ITGA10: variants seen among roughly 807,000 people sequenced by gnomAD.
The protein encoded by ITGA10 is integrin alpha-10.
A neutral mutation model predicts 145.2 loss-of-function variants in ITGA10; 105 were observed. The observed-to-expected ratio is 0.72, with a 90% confidence interval of 0.62 to 0.85. The LOEUF is 0.85. Among genes scored for constraint, ITGA10 ranks in the 40% least tolerant of loss-of-function variants. The pLI, the probability that ITGA10 is intolerant of heterozygous loss-of-function variation, is 0.00. For missense variants in ITGA10, 1,317 were observed against 1,444.5 expected, an observed-to-expected ratio of 0.91 and a Z score of 1.43; for synonymous variants, 506 against 557.8, an observed-to-expected ratio of 0.91 and a Z score of 1.31.
At chr1:145,896,193 C>T in intron 24 of ITGA10, 75 bp downstream of exon 24, 2 of 1,476,674 alleles carry the variant, frequency 1.4e-6, no homozygotes, top group Non-Finnish European at 1.9e-6. Context: ...CCAAGAGAGA[C>T]CCTTCCCATC....
In ITGA10 at chr1:145,893,588, G is replaced by C; in HGVS notation, c.3276C>G (p.Thr1092=). 1.2e-6 allele frequency: 2 copies of C among 1,613,308 alleles called. No individual in the cohort carries two copies. The highest frequency in any genetic ancestry group is 1.7e-4 in the Middle Eastern group (1 of 6,060). ...LTVVSTFELG[T]EEGSVLQLTE... is the part of the protein sequence containing the mutation. ...TCAGCTGTAGGACACTGCCCTCTTC[G>C]GTTCCCAGCTCAAAGGTGCTGACCA... Residue 1092 remains threonine, a synonymous_variant, in exon 28 of 30, where the codon ACC becomes ACG. Coordinates refer to ENST00000369304, the MANE Select transcript of ITGA10 (RefSeq NM_003637.5).
At chr1:145,897,784 C>T in intron 19 of ITGA10, 31 bp downstream of exon 19, 2 of 1,610,000 alleles carry the variant, frequency 1.2e-6, no homozygotes, top group Non-Finnish European at 1.7e-6. Flanking sequence ...TCTCAGGTCA[C>T]CCTGGTTTGC....
intron 27 of ITGA10, among the ~76,000 whole-genome samples, chr1:145,894,310 C>T (rs1655092819): frequency 6.6e-6 from 1 of 151,942 alleles, no homozygotes. Flanking sequence ...CAGGGTTTCA[C>T]CGTGTTAGCC....
chr1:145,902,339 T>C lies in ITGA10; in HGVS notation c.1076-20A>G. 1 of 1,613,356 alleles carries C rather than the reference T, an allele frequency of 6.2e-7. No homozygotes were observed. Among genetic ancestry groups the C allele is most frequent in the South Asian group, 1.1e-5 (1 of 91,074 alleles). ...GGGACCCTTGGTCATGAGAAAACAT[T>C]GAGACAATATCAGGGGAAGACAGTT... is the stretch of plus-strand genomic sequence containing the variant. On this transcript the variant is annotated intron_variant, in intron 9 of 29. Coordinates refer to ENST00000369304, the MANE Select transcript of ITGA10 (RefSeq NM_003637.5).
chr1:145,893,073 A>G (rs1654915456), intron 29 of ITGA10, 88 bp downstream of exon 29: 1 of 1,096,238 alleles, frequency 9.1e-7, no homozygotes, highest in Non-Finnish European at 1.4e-6. Flanking sequence ...TTAGCTGCCC[A>G]GCACAAATCC....
In ITGA10 at chr1:145,901,969, A is replaced by G. The variant is rs782504601; in HGVS notation, c.1202T>C (p.Leu401Pro). The stretch of plus-strand genomic sequence containing the variant: ...AAGGCGGTGGCCTCCTTCAAGCCAT[A>G]GCACAGAGCCTCCCCAGTCATAGGC... ...VGAYDWGGSV[L>P]WLEGGHRLFP... The change falls in exon 11 of 30, where the codon CTA (leucine) becomes CCA (proline). Residue 401 changes from leucine to proline, a missense_variant. Physicochemically the swap from Leu to Pro is moderately conservative, Grantham distance 98 (BLOSUM62 -3). Transcript: ENST00000369304. This position sits in a 1 kb window ranked among gnomAD's most constrained non-coding sequence, Gnocchi z 4.3. 2 of 1,614,184 alleles carry G rather than the reference A, an allele frequency of 1.2e-6. No homozygotes were observed. Among genetic ancestry groups the G allele is most frequent in the South Asian group, 1.1e-5 (1 of 91,082 alleles).
Position 145,895,382 on chromosome 1 carries a change from A to G in ITGA10, c.3126T>C (p.Asn1042=), listed in dbSNP as rs139096335. 114 of 1,613,334 alleles carry G rather than the reference A, an allele frequency of 7.1e-5. No individual in the cohort carries two copies. In the African/African-American group the frequency reaches 1.3e-3, roughly 18 times the overall value. The part of the protein sequence containing the change: ...LQHTNRLNGS[N]TQCQVVRCHL... ...GGCACCTCACCACCTGACACTGAGTATTGCTCCCATTCTAACAGAAGAGAC... is the reference window on the plus strand; with the variant it reads ...GGCACCTCACCACCTGACACTGAGTGTTGCTCCCATTCTAACAGAAGAGAC... The change falls in exon 27 of 30, where the codon AAT becomes AAC. Residue 1042 remains asparagine, a synonymous_variant. Coordinates refer to ENST00000369304, the MANE Select transcript of ITGA10 (RefSeq NM_003637.5).
chr1:145,899,259 G>C lies in ITGA10; in HGVS notation c.2005C>G (p.Arg669Gly). ...GTCAGACAGACTGCCTCTTGGCCTC[G>C]CCGCCTACAGTCCCTCTGAACCACA... ...ISVVQRDCRR[R>G]GQEAVCLTAA... Residue 669 changes from arginine (R) to glycine (G), a missense_variant, in exon 16 of 30, where the codon CGA becomes GGA. By Grantham distance (125) the Arg-to-Gly change is moderately radical. Coordinates refer to ENST00000369304, the MANE Select transcript of ITGA10 (RefSeq NM_003637.5). The C allele has an allele frequency of 6.2e-7, 1 of 1,614,228 alleles. No homozygotes were observed. Among genetic ancestry groups the C allele is most frequent in the South Asian group, 1.1e-5 (1 of 91,082 alleles).
Position 145,900,991 on chromosome 1 carries a change from C to T in ITGA10, c.1590G>A (p.Gln530=). 1 of 1,614,116 alleles carries T rather than the reference C, an allele frequency of 6.2e-7. No individual in the cohort carries two copies. Among genetic ancestry groups the T allele is most frequent in the African/African-American group, 1.3e-5 (1 of 75,022 alleles). Residue 530 remains glutamine (Q), a splice_region_variant and synonymous_variant, in exon 14 of 30, where the codon CAG becomes CAA. Coordinates refer to ENST00000369304, the MANE Select transcript of ITGA10 (RefSeq NM_003637.5). ...GRVYVYLVGQ[Q]SLLTLQGTLQ... ...GTGTTCCTTGGAGGGTCAGCAAGGA[C>T]TGCTGGTGGAGGAGAGAAGATAGAA...
chr1:145,894,597 T>C (rs587697483), intron 27 of ITGA10, among the ~76,000 whole-genome samples: 1 of 152,312 alleles, frequency 6.6e-6, no homozygotes, highest in African/African-American at 2.4e-5. Flanking sequence ...TTGACCTTAG[T>C]GCCAAACAGC....
intron 9 of ITGA10, 41 bp from the exon 10 acceptor site, chr1:145,902,360 C>G (rs782706166): frequency 5.0e-6 from 8 of 1,603,070 alleles, no homozygotes; most frequent in African/African-American, 1.3e-5. Flanking sequence ...CAGGGGAAGA[C>G]AGTTTCCCCT....
At position 145,909,950 on chromosome 1, in the gene ITGA10, T is replaced by A. The variant is rs1553752671; in HGVS notation, c.52+13A>T. On this transcript the variant is annotated intron_variant, in intron 1 of 29. Transcript: ENST00000369304. ...CCATCCCCACCAGAAACCAAGAAGT[T>A]AACTTCCCTCACCTGTCAGGAACAC... 1 of 1,611,180 alleles carries A rather than the reference T, an allele frequency of 6.2e-7. No individual in the cohort carries two copies. The highest frequency in any genetic ancestry group is 1.1e-5 in the South Asian group (1 of 91,012).
chr1:145,897,710 C>T, intron 19 of ITGA10, 57 bp from the exon 20 acceptor site: 1 of 1,612,790 alleles, frequency 6.2e-7, no homozygotes, highest in Non-Finnish European at 8.5e-7. Context: ...TGCCAAAAGT[C>T]TCACTTTTGT....
chr1:145,895,939 A>G, intron 25 of ITGA10, 44 bp downstream of exon 25: 6 of 1,460,002 alleles, frequency 4.1e-6, no homozygotes, highest in Non-Finnish European at 5.8e-6. Flanking sequence ...TGAGTCCACC[A>G]GCTCAAGGTG....
chr1:145,895,461 A>G, intron 26 of ITGA10, 68 bp from the exon 27 acceptor site: 1 of 1,413,282 alleles, frequency 7.1e-7, no homozygotes, highest in East Asian at 2.3e-5. Context: ...CCCCACCTCT[A>G]GTTCACACAG....
Position 145,897,253 on chromosome 1 carries a change from T to C in ITGA10, c.2661A>G (p.Gly887=). The change falls in exon 21 of 30, where the codon GGA becomes GGG. Residue 887 remains glycine (G), a synonymous_variant. Transcript: ENST00000369304. ...ATCCTAGACCCCAACCCACCTTGGC[T>C]CCAGTCTGGAAGACAGGATGCCCCA... ...CSVGHPVFQT[G]AKVTFLLEFE... 1 of 1,613,864 alleles carries C rather than the reference T, an allele frequency of 6.2e-7. No homozygotes were observed.
Position 145,893,273 on chromosome 1 carries a change from C to T in ITGA10, c.3326G>A (p.Ser1109Asn). ...CCGGGTCTGAACCACCTCCAAGAGG[C>T]TCTGCGTGGACAGAAGAGTAGTTTT... is the stretch of plus-strand genomic sequence containing the variant. ...QLTEASRWSE[S>N]LLEVVQTRPI... The change falls in exon 29 of 30, where the codon AGC becomes AAC. Residue 1109 changes from serine (S) to asparagine (N), a missense_variant and splice_region_variant. Transcript: ENST00000369304. 6.2e-7 allele frequency: 1 copy of T among 1,607,644 alleles called. No homozygotes were observed. The highest frequency in any genetic ancestry group is 8.5e-7 in the Non-Finnish European group (1 of 1,174,140).
chr1:145,898,073 G>C (rs782575641), intron 18 of ITGA10, 37 bp downstream of exon 18: 1 of 1,463,174 alleles, frequency 6.8e-7, no homozygotes, highest in Non-Finnish European at 9.6e-7. Context: ...AAGGAGGGCA[G>C]TGTTGGGAGC....
intron 5 of ITGA10, among the ~76,000 whole-genome samples, chr1:145,905,502 A>G (rs587772404): frequency 6.6e-6 from 1 of 151,696 alleles, no homozygotes; most frequent in African/African-American, 2.4e-5. Context: ...GATGGTCTCG[A>G]TCTCCTGACC....
Sources: gnomAD v4.1 joint callset for allele counts (sites outside exome capture counted in the v4.1 genomes callset) on GRCh38, gnomAD v4.1.1 for gene constraint, Gnocchi (gnomAD v3.1) non-coding constraint, MANE v1.5 for transcripts, NCBI Gene and HGNC (gene_info 2026-07-23, HGNC 2026-07-21) for gene names.